Variants in TXK observed in about 807,000 individuals in gnomAD.
TXK encodes tyrosine-protein kinase TXK.
In TXK, 60 loss-of-function variants were observed where a neutral mutation model predicts 81.0. The observed-to-expected ratio is 0.74, with a 90% confidence interval of 0.60 to 0.92. TXK has a LOEUF of 0.92. Ranked by LOEUF, TXK falls within the 40% of genes least tolerant of loss-of-function variation. The probability of loss-of-function intolerance (pLI) is 0.00; values close to 1 mark genes in which losing one functional copy is unlikely to be tolerated. For synonymous variants in TXK, 203 were observed against 210.7 expected (o/e 0.96, Z 0.32); for missense variants, 581 against 638.3 (o/e 0.91, Z 0.97).
At chr4:48,089,564 G>A (rs1577659371) in intron 9 of TXK, 186 bp downstream of exon 9, 1 of 422,640 alleles carries the variant, frequency 2.4e-6, no homozygotes, top group East Asian at 4.1e-5. Flanking sequence ...CTAATTTTTT[G>A]TATTTTTAGT....
intron 8 of TXK, 51 bp from the exon 9 acceptor site, chr4:48,089,875 A>C: frequency 3.0e-6 from 4 of 1,313,442 alleles, no homozygotes; most frequent in Non-Finnish European, 4.4e-6. Context: ...AATATAGAAG[A>C]AAGAATGAAA....
At chr4:48,092,980 C>T (rs140451583) in intron 8 of TXK, among the ~76,000 whole-genome samples, 5 of 152,324 alleles carry the variant, frequency 3.3e-5, no homozygotes, top group African/African-American at 9.6e-5. Flanking sequence ...GACTCTAACA[C>T]CTAGTTCAGG....
chr4:48,079,848 T>G (rs944166677), intron 11 of TXK, 64 bp downstream of exon 11: 1 of 1,104,908 alleles, frequency 9.1e-7, no homozygotes, highest in African/African-American at 1.6e-5. Flanking sequence ...TTGAAAGTAA[T>G]TGTCACATCC....
intron 13 of TXK, 145 bp from the exon 14 acceptor site, chr4:48,071,819 G>T: frequency 1.2e-6 from 1 of 869,550 alleles, no homozygotes; most frequent in Non-Finnish European, 1.7e-6. Context: ...TTCTGTCAAG[G>T]AAGCAAATCA....
At chr4:48,099,845 C>A (rs1043813904) in intron 6 of TXK, among the ~76,000 whole-genome samples, 4 of 152,170 alleles carry the variant, frequency 2.6e-5, no homozygotes, top group African/African-American at 9.7e-5. Flanking sequence ...AGATCCATAT[C>A]TCACTCCTTA....
At chr4:48,114,077 A>C (rs1036963969) in intron 2 of TXK, among the ~76,000 whole-genome samples, 13 of 152,206 alleles carry the variant, frequency 8.5e-5, no homozygotes, top group Admixed American at 7.9e-4. Context: ...TATAAACAAC[A>C]TACATGAAAT....
intron 1 of TXK, among the ~76,000 whole-genome samples, chr4:48,130,411 AGCAGGTCATGGT>A (rs1380049205): frequency 1.3e-5 from 2 of 152,168 alleles, no homozygotes; most frequent in Admixed American, 1.3e-4. Flanking sequence ...GCGAATTCCA[AGCAGGTCATGGT>A]GCCTCGGTTT....
intron 5 of TXK, among the ~76,000 whole-genome samples, chr4:48,107,258 T>A (rs1308159684): frequency 1.3e-5 from 2 of 151,520 alleles, no homozygotes; most frequent in Non-Finnish European, 1.5e-5. Flanking sequence ...GAAAACTAGG[T>A]TTTTCCATTG....
At chr4:48,104,030 T>C (rs1352287516) in intron 6 of TXK, among the ~76,000 whole-genome samples, 1 of 149,384 alleles carries the variant, frequency 6.7e-6, no homozygotes, top group Non-Finnish European at 1.5e-5. Flanking sequence ...GGCAAAACCC[T>C]GTCTCTATAA....
chr4:48,067,511 C>T lies in TXK; in HGVS notation c.*126G>A. 1 of 951,406 alleles carries T rather than the reference C, an allele frequency of 1.1e-6. No homozygotes were observed. Among genetic ancestry groups the T allele is most frequent in the Non-Finnish European group, 1.6e-6 (1 of 612,612 alleles). 58.9% of individuals were successfully genotyped at this position (951,406 alleles called of 1,614,324 possible). On this transcript the variant is annotated 3_prime_UTR_variant, in exon 15 of 15. Coordinates refer to ENST00000264316, the MANE Select transcript of TXK (RefSeq NM_003328.3). The stretch of plus-strand genomic sequence containing the variant: ...AAACTTTTAAAAACTGTGATCTTTG[C>T]ACTGTTTTCAAGAGTCAGCAACTCT...
At position 48,094,141 on chromosome 4, in the gene TXK, C is replaced by T. The variant is rs980792584; in HGVS notation, c.645G>A (p.Val215=). 13 of 1,613,750 alleles carry T rather than the reference C, an allele frequency of 8.1e-6. No individual in the cohort carries two copies. The highest frequency in any genetic ancestry group is 1.1e-5 in the Non-Finnish European group (13 of 1,180,010). Residue 215 remains valine (V), a synonymous_variant, in exon 8 of 15, where the codon GTG becomes GTA. Coordinates refer to ENST00000264316, the MANE Select transcript of TXK (RefSeq NM_003328.3). The part of the protein sequence containing the change: ...IKKNDSGQWY[V]AERHAFQSIP... Reference sequence around the variant, plus strand: ...TTGATTGAAAGGCGTGTCTTTCAGCCACATACCACTGTCCTGAGTCATTCT... The same window carrying T: ...TTGATTGAAAGGCGTGTCTTTCAGCTACATACCACTGTCCTGAGTCATTCT...
At chr4:48,117,998 A>G (rs1170087055) in intron 1 of TXK, among the ~76,000 whole-genome samples, 1 of 152,126 alleles carries the variant, frequency 6.6e-6, no homozygotes, top group Non-Finnish European at 1.5e-5. Context: ...ATATCTTCCT[A>G]TTCTGTCCCT....
intron 1 of TXK, among the ~76,000 whole-genome samples, chr4:48,119,210 G>A (rs73136286): frequency 1.4e-4 from 21 of 152,282 alleles, no homozygotes; most frequent in African/African-American, 5.1e-4. Flanking sequence ...AGTTTAGGAT[G>A]GAGAGGAATG....
chr4:48,069,397 C>T (rs1389571116), intron 14 of TXK, among the ~76,000 whole-genome samples: 1 of 149,704 alleles, frequency 6.7e-6, no homozygotes, highest in East Asian at 1.9e-4. Flanking sequence ...GGGATCTTGG[C>T]TCACTGCAAC....
chr4:48,079,723 C>T (rs1014921301), intron 11 of TXK, among the ~76,000 whole-genome samples, 189 bp downstream of exon 11: 15 of 152,154 alleles, frequency 9.9e-5, no homozygotes, highest in African/African-American at 2.9e-4. Flanking sequence ...TGAACCCATT[C>T]GGCCTTTACA....
intron 1 of TXK, 48 bp downstream of exon 1, chr4:48,134,107 G>T: frequency 1.2e-6 from 2 of 1,604,946 alleles, no homozygotes; most frequent in Non-Finnish European, 1.7e-6. Context: ...AGAATAACAG[G>T]CCCCAGAACA....
chr4:48,113,619 T>A (rs1157218552), intron 2 of TXK, among the ~76,000 whole-genome samples: 1 of 152,224 alleles, frequency 6.6e-6, no homozygotes, highest in East Asian at 1.9e-4. Context: ...AATGAAAACT[T>A]ACTCCATATC....
At chr4:48,102,623 T>C (rs1718240575) in intron 6 of TXK, among the ~76,000 whole-genome samples, 1 of 152,226 alleles carries the variant, frequency 6.6e-6, no homozygotes, top group Admixed American at 6.5e-5. Flanking sequence ...GACCACATAA[T>C]TCCATCTCGC....
chr4:48,072,933 T>C (rs1716919828), intron 13 of TXK, among the ~76,000 whole-genome samples: 1 of 152,132 alleles, frequency 6.6e-6, no homozygotes, highest in African/African-American at 2.4e-5. Context: ...ATTTATGTTT[T>C]AATTTTTTTG....
Sources: gnomAD v4.1 joint callset for allele counts (sites outside exome capture counted in the v4.1 genomes callset) on GRCh38, gnomAD v4.1.1 for gene constraint, MANE v1.5 for transcripts, NCBI Gene and HGNC (gene_info 2026-07-23, HGNC 2026-07-21) for gene names.